Variants in WFDC1 observed in about 807,000 individuals in gnomAD.
The protein encoded by WFDC1 is WAP four-disulfide core domain protein 1.
In WFDC1, 39 loss-of-function variants were observed where a neutral mutation model predicts 32.9. The observed-to-expected ratio is 1.19, with a 90% CI of 0.92 to 1.55. WFDC1 has a LOEUF of 1.55. Among genes scored for constraint, WFDC1 ranks in the 40% most tolerant of loss-of-function variants. WFDC1 has a pLI of 0.00. For missense variants in WFDC1, 386 were observed against 309.5 expected, an observed-to-expected ratio of 1.25 and a Z score of -1.85; for synonymous variants, 184 against 137.4, an observed-to-expected ratio of 1.34 and a Z score of -2.37.
intron 6 of WFDC1, chr16:84,327,259 T>G: frequency 3.0e-6 from 1 of 329,024 alleles, no homozygotes. Context: ...GGCACAATCA[T>G]TGTTCACTGC....
intron 1 of WFDC1, among the ~76,000 whole-genome samples, chr16:84,300,990 A>G (rs1906899639): frequency 6.6e-6 from 1 of 152,034 alleles, no homozygotes; most frequent in African/African-American, 2.4e-5. Flanking sequence ...AAAAAAGGAA[A>G]AGGAGAAGAG....
intron 2 of WFDC1, 24 bp downstream of exon 2, chr16:84,313,177 G>A (rs1236383478): frequency 7.1e-6 from 10 of 1,400,608 alleles, no homozygotes; most frequent in Non-Finnish European, 9.2e-6. Flanking sequence ...CCGAGGGAGG[G>A]GGCTGAGGGA....
At chr16:84,315,901 C>T (rs926947028) in intron 2 of WFDC1, among the ~76,000 whole-genome samples, 2 of 152,158 alleles carry the variant, frequency 1.3e-5, no homozygotes, top group African/African-American at 4.8e-5. Flanking sequence ...GAGGTGATCC[C>T]AGGTAGTTCC....
chr16:84,312,547 CACATATGTACATAT>C (rs1275523846), intron 1 of WFDC1, among the ~76,000 whole-genome samples: 9 of 152,058 alleles, frequency 5.9e-5, no homozygotes, highest in African/African-American at 1.7e-4. Context: ...AAGAAATCCA[CACATATGTACATAT>C]ACATATGTAC....
intron 3 of WFDC1, 67 bp from the exon 4 acceptor site, chr16:84,319,364 A>T: frequency 6.3e-7 from 1 of 1,576,680 alleles, no homozygotes; most frequent in Non-Finnish European, 8.6e-7. Flanking sequence ...TCTGCCTTCT[A>T]GACCCTAGCA....
At chr16:84,297,831 A>G (rs1296620096) in intron 1 of WFDC1, among the ~76,000 whole-genome samples, 1 of 152,078 alleles carries the variant, frequency 6.6e-6, no homozygotes, top group African/African-American at 2.4e-5. Flanking sequence ...ATGAAGATGG[A>G]GAACCTATGA....
chr16:84,316,803 A>T (rs1907976030), intron 2 of WFDC1: 1 of 150,642 alleles, frequency 6.6e-6, no homozygotes, highest in South Asian at 2.1e-4. Flanking sequence ...CATGGCAAAA[A>T]CCCGTCTCTA....
At position 84,319,477 on chromosome 16, in the gene WFDC1, T is replaced by C. The variant is rs1402446751; in HGVS notation, c.468T>C (p.Cys156=). 1.9e-6 allele frequency: 3 copies of C among 1,612,422 alleles called. No homozygotes were observed. The highest frequency in any genetic ancestry group is 1.3e-5 in the African/African-American group (1 of 75,000). Residue 156 remains cysteine (C), a synonymous_variant, in exon 4 of 7, where the codon TGT becomes TGC. Transcript: ENST00000219454. ...TTEDGAEPLL[C]PSGYECHILS... ...AGGATGGGGCCGAACCCCTGCTCTG[T>C]CCCTCGGGCTATGAGTGCCACATCC... is the stretch of plus-strand genomic sequence containing the variant.
At chr16:84,299,932 C>G (rs1247784001) in intron 1 of WFDC1, among the ~76,000 whole-genome samples, 3 of 152,220 alleles carry the variant, frequency 2.0e-5, no homozygotes, top group Non-Finnish European at 4.4e-5. Flanking sequence ...TGGAGGCACC[C>G]CCTGTGCTAA....
chr16:84,306,049 A>AAG (rs1907237873), intron 1 of WFDC1, among the ~76,000 whole-genome samples: 1 of 135,334 alleles, frequency 7.4e-6, no homozygotes, highest in Non-Finnish European at 1.6e-5. Context: ...ATAATAATAA[A>AAG]AGGAATAAAA....
At chr16:84,296,655 C>T (rs1309402036) in intron 1 of WFDC1, among the ~76,000 whole-genome samples, 1 of 152,094 alleles carries the variant, frequency 6.6e-6, no homozygotes, top group Non-Finnish European at 1.5e-5. Flanking sequence ...TGGCGGGAGA[C>T]AGGAGGACTT....
intron 2 of WFDC1, among the ~76,000 whole-genome samples, chr16:84,314,389 C>G (rs1297366923): frequency 6.6e-6 from 1 of 152,148 alleles, no homozygotes; most frequent in South Asian, 2.1e-4. Context: ...GAAGTCTTCT[C>G]CACCCTCGGC....
At chr16:84,300,365 T>C (rs6564010) in intron 1 of WFDC1, among the ~76,000 whole-genome samples, 6,586 of 152,332 alleles carry the variant, frequency 0.043, 432 homozygotes, top group African/African-American at 0.14. Context: ...GTTTGAGCTC[T>C]AGTGCCCAGG....
At chr16:84,314,267 C>A (rs1226676656) in intron 2 of WFDC1, among the ~76,000 whole-genome samples, 3 of 152,092 alleles carry the variant, frequency 2.0e-5, no homozygotes, top group African/African-American at 4.8e-5. Context: ...AAGGAGGTGA[C>A]CCCGTCGGGG....
At chr16:84,310,379 A>G (rs557839225) in intron 1 of WFDC1, among the ~76,000 whole-genome samples, 25 of 152,232 alleles carry the variant, frequency 1.6e-4, no homozygotes, top group African/African-American at 5.5e-4. Context: ...CGGCGCCCAC[A>G]CTGTCATCAA....
At chr16:84,307,195 C>G (rs897898527) in intron 1 of WFDC1, among the ~76,000 whole-genome samples, 1 of 152,122 alleles carries the variant, frequency 6.6e-6, no homozygotes, top group Non-Finnish European at 1.5e-5. Context: ...GGCCAAGAAC[C>G]TTGGCTGTTA....
At chr16:84,310,575 C>T (rs1394063917) in intron 1 of WFDC1, among the ~76,000 whole-genome samples, 1 of 152,136 alleles carries the variant, frequency 6.6e-6, no homozygotes, top group African/African-American at 2.4e-5. Flanking sequence ...GCTTTACACC[C>T]TATTCTTCTC....
chr16:84,297,325 A>G (rs1906655315), intron 1 of WFDC1, among the ~76,000 whole-genome samples: 2 of 152,170 alleles, frequency 1.3e-5, no homozygotes. Flanking sequence ...TTTATGCAGA[A>G]CAACTGTGCC....
chr16:84,300,638 G>A (rs931375232), intron 1 of WFDC1, among the ~76,000 whole-genome samples: 1 of 152,380 alleles, frequency 6.6e-6, no homozygotes. Flanking sequence ...CATGCTGGAG[G>A]TGGGTGGTTC....
Sources: allele counts gnomAD v4.1 joint callset (sites outside exome capture counted in the v4.1 genomes callset), GRCh38; gene constraint gnomAD v4.1.1; transcripts MANE v1.5; gene names NCBI Gene and HGNC (gene_info 2026-07-23, HGNC 2026-07-21).